CWF19L2: variants seen among roughly 807,000 people sequenced by gnomAD.
CWF19L2 encodes CWF19-like protein 2.
Under a neutral mutation model 111.7 loss-of-function variants are expected in CWF19L2, and 98 were observed. That is an observed-to-expected ratio of 0.88 (90% CI 0.75 to 1.04). CWF19L2 has a LOEUF of 1.04. CWF19L2 is among the 50% of genes least tolerant of loss of function. The probability of loss-of-function intolerance (pLI) is 0.00; values close to 1 mark genes in which losing one functional copy is unlikely to be tolerated. For synonymous variants in CWF19L2, 351 were observed against 342.9 expected (o/e 1.02, Z -0.26); for missense variants, 1,101 against 1,051.4 (o/e 1.05, Z -0.65).
chr11:107,434,933 G>A (rs977523829), intron 6 of CWF19L2, among the ~76,000 whole-genome samples: 2 of 151,916 alleles, frequency 1.3e-5, no homozygotes, highest in African/African-American at 4.8e-5. Context: ...GTCTGCTGCT[G>A]TACACTTGTG....
intron 6 of CWF19L2, among the ~76,000 whole-genome samples, chr11:107,438,335 T>TA (rs1017870803): frequency 1.3e-5 from 2 of 152,208 alleles, no homozygotes; most frequent in African/African-American, 4.8e-5. Context: ...ACGTGACATT[T>TA]AAATATTTTG....
intron 9 of CWF19L2, among the ~76,000 whole-genome samples, chr11:107,417,676 T>A (rs919256442): frequency 6.6e-6 from 1 of 152,038 alleles, no homozygotes; most frequent in Non-Finnish European, 1.5e-5. Flanking sequence ...AGTTCCTTAG[T>A]ATCTTCAATT....
At chr11:107,378,618 G>A (rs1860632466) in intron 12 of CWF19L2, among the ~76,000 whole-genome samples, 1 of 152,132 alleles carries the variant, frequency 6.6e-6, no homozygotes, top group Non-Finnish European at 1.5e-5. Context: ...GGACTGTTGT[G>A]GGGTGGAGGG....
intron 3 of CWF19L2, among the ~76,000 whole-genome samples, chr11:107,449,872 A>C (rs1022305409): frequency 3.9e-5 from 6 of 152,116 alleles, no homozygotes; most frequent in Admixed American, 3.3e-4. Context: ...ATTAAACATA[A>C]ATAATCCAAA....
intron 8 of CWF19L2, among the ~76,000 whole-genome samples, chr11:107,421,699 A>C (rs1861304754): frequency 6.6e-6 from 1 of 152,116 alleles, no homozygotes; most frequent in African/African-American, 2.4e-5. Flanking sequence ...TACAAGACTG[A>C]CCATTCCAAG....
At chr11:107,404,039 C>A (rs573858703) in intron 10 of CWF19L2, 23 of 769,958 alleles carry the variant, frequency 3.0e-5, no homozygotes, top group South Asian at 2.3e-4. Flanking sequence ...TCACTAAAAA[C>A]CCATCATCAT....
In CWF19L2 at chr11:107,390,069, C is replaced by G. The variant is rs1384948721; in HGVS notation, c.1872+5G>C. 6.2e-7 allele frequency: 1 copy of G among 1,611,770 alleles called. No individual in the cohort carries two copies. The highest frequency in any genetic ancestry group is 8.5e-7 in the Non-Finnish European group (1 of 1,178,998). ...ATTCAGAGGTATCCTAGGAATATATCTTACCTTAGATGCCATTCTCATAAA... is the reference window on the plus strand; with the variant it reads ...ATTCAGAGGTATCCTAGGAATATATGTTACCTTAGATGCCATTCTCATAAA... On this transcript the variant is annotated splice_donor_5th_base_variant and intron_variant, in intron 12 of 17. Transcript: ENST00000282251.
chr11:107,350,644 G>A (rs1174720156), intron 13 of CWF19L2, among the ~76,000 whole-genome samples: 2 of 151,998 alleles, frequency 1.3e-5, no homozygotes, highest in East Asian at 3.9e-4. Context: ...ATTTTTTATA[G>A]TAGCCCGAAC....
chr11:107,428,277 T>C (rs1372730367), intron 8 of CWF19L2, among the ~76,000 whole-genome samples: 1 of 152,154 alleles, frequency 6.6e-6, no homozygotes, highest in Non-Finnish European at 1.5e-5. Context: ...TTGCCCAAAG[T>C]GGATTATTTC....
intron 10 of CWF19L2, among the ~76,000 whole-genome samples, chr11:107,393,276 C>T (rs1860875186): frequency 6.6e-6 from 1 of 152,032 alleles, no homozygotes; most frequent in Non-Finnish European, 1.5e-5. Flanking sequence ...AATAAAACAA[C>T]TAAAGACAAA....
intron 8 of CWF19L2, among the ~76,000 whole-genome samples, chr11:107,423,076 C>T (rs1861323991): frequency 6.6e-6 from 1 of 151,894 alleles, no homozygotes; most frequent in Non-Finnish European, 1.5e-5. Context: ...AATGTTATTA[C>T]TTTTTATATG....
intron 12 of CWF19L2, among the ~76,000 whole-genome samples, chr11:107,382,417 T>TA (rs1860700498): frequency 6.6e-6 from 1 of 152,184 alleles, no homozygotes. Context: ...TAGCCTTGCG[T>TA]TAAGTCATTT....
At chr11:107,433,967 G>C (rs1861505087) in intron 6 of CWF19L2, among the ~76,000 whole-genome samples, 2 of 137,470 alleles carry the variant, frequency 1.5e-5, no homozygotes, top group South Asian at 4.7e-4. Context: ...CTAGAAAGAA[G>C]GAAAAGAAAA....
At chr11:107,327,180 A>C in intron 17 of CWF19L2, 127 bp from the exon 18 acceptor site, 1 of 958,344 alleles carries the variant, frequency 1.0e-6, no homozygotes, top group Non-Finnish European at 1.5e-6. Flanking sequence ...TCAAGCATAA[A>C]TACTAGTTGA....
rs1238539335 is a variant in CWF19L2, at chr11:107,371,192, A to G, written c.1873-17456T>C. ...CTAATTTTTTGTATTTTTAGTAGAG[A>G]CAGGATTTCACCATGTTAGCCAGGA... On this transcript the variant is annotated intron_variant, in intron 12 of 17. Coordinates refer to ENST00000282251, the MANE Select transcript of CWF19L2 (RefSeq NM_152434.3). Among the ~76,000 whole-genome samples, 2 of 134,882 alleles carry G rather than the reference A, an allele frequency of 1.5e-5. 1 individual carries two copies. The highest frequency in any genetic ancestry group is 4.3e-4 in the East Asian group (2 of 4,684). The allele number at this position is 134,882 out of a possible 152,430, so 88.5% of individuals were successfully genotyped here. A position where few individuals can be genotyped will look rare whatever the true frequency, so the allele number is the denominator to read the frequency against.
chr11:107,369,764 A>C (rs1860482317), intron 12 of CWF19L2, among the ~76,000 whole-genome samples: 1 of 138,624 alleles, frequency 7.2e-6, no homozygotes, highest in Non-Finnish European at 1.6e-5. Context: ...CCAACTGCCA[A>C]CTTGATAAAG....
At chr11:107,391,819 C>T (rs1343354608) in intron 11 of CWF19L2, among the ~76,000 whole-genome samples, 1 of 152,170 alleles carries the variant, frequency 6.6e-6, no homozygotes, top group Non-Finnish European at 1.5e-5. Context: ...CAATCACCCC[C>T]TGGCTCCAGA....
At chr11:107,402,875 A>G (rs200160204) in intron 10 of CWF19L2, among the ~76,000 whole-genome samples, 834 of 42,602 alleles carry the variant, frequency 0.02, 54 homozygotes, top group African/African-American at 0.073. Flanking sequence ...TGTGGTGTGT[A>G]TATATATATA....
intron 12 of CWF19L2, among the ~76,000 whole-genome samples, chr11:107,359,419 C>T (rs1000929642): frequency 6.6e-6 from 1 of 152,146 alleles, no homozygotes. Context: ...CCTTGTAGGG[C>T]TGGGCTATGT....
Sources: gnomAD v4.1 joint callset for allele counts (sites outside exome capture counted in the v4.1 genomes callset) on GRCh38, gnomAD v4.1.1 for gene constraint, MANE v1.5 for transcripts, NCBI Gene and HGNC (gene_info 2026-07-23, HGNC 2026-07-21) for gene names.